The following PCDHGA9 variants were observed in gnomAD, a reference collection of about 807,000 sequenced individuals.
PCDHGA9 encodes protocadherin gamma subfamily A, 9.
PCDHGA9 carries 37 observed loss-of-function variants against 62.5 expected under a neutral mutation model. The observed-to-expected ratio is 0.59, with a 90% CI of 0.46 to 0.78. The LOEUF (loss-of-function observed/expected upper bound fraction) is 0.78, where lower values mean the gene tolerates loss of function less well. Among genes scored for constraint, PCDHGA9 ranks in the 30% least tolerant of loss-of-function variants. PCDHGA9 has a pLI of 0.00. For synonymous variants in PCDHGA9, 459 were observed against 484.6 expected, an observed-to-expected ratio of 0.95 and a Z score of 0.69; for missense variants, 1,138 against 1,166.2, an observed-to-expected ratio of 0.98 and a Z score of 0.35.
At chr5:141,444,757 C>T (rs919228537) in intron 1 of PCDHGA9, among the ~76,000 whole-genome samples, 4 of 152,050 alleles carry the variant, frequency 2.6e-5, no homozygotes, top group African/African-American at 9.7e-5. Flanking sequence ...ATATGTAGTT[C>T]TATTTCTATA....
intron 3 of PCDHGA9, 46 bp from the exon 4 acceptor site, chr5:141,510,901 A>G: frequency 1.9e-6 from 3 of 1,613,412 alleles, no homozygotes; most frequent in African/African-American, 2.7e-5. Flanking sequence ...GTGACTGTTG[A>G]GGACCCTAAG....
Position 141,476,641 on chromosome 5 carries a change from C to A in PCDHGA9, c.2425-18166C>A, listed in dbSNP as rs1183948220. The A allele has an allele frequency of 1.2e-6, 2 of 1,614,256 alleles. No homozygotes were observed. The highest frequency in any genetic ancestry group is 1.7e-5 in the Admixed American group (1 of 60,030). On this transcript the variant is annotated intron_variant, in intron 1 of 3. Transcript: ENST00000573521. This position sits in a 1 kb window ranked among gnomAD's most constrained non-coding sequence, Gnocchi z 7.6. ...ACTCTTTACAAACCTATGAGCTGAG[C>A]CGAAATGAATACTTTGCGCTTCGCG... is the stretch of plus-strand genomic sequence containing the variant.
chr5:141,506,177 G>A (rs1024892091), intron 3 of PCDHGA9, among the ~76,000 whole-genome samples: 16 of 152,142 alleles, frequency 1.1e-4, no homozygotes, highest in Admixed American at 4.6e-4. Flanking sequence ...TAAGCTGGGC[G>A]TGGTGGCTCA....
At chr5:141,458,567 TTTTGTTTG>T (rs144471304) in intron 1 of PCDHGA9, among the ~76,000 whole-genome samples, 1 of 151,488 alleles carries the variant, frequency 6.6e-6, no homozygotes, top group Non-Finnish European at 1.5e-5. Flanking sequence ...GGTTTTGGGT[TTTTGTTTG>T]TTTGTTTGTT....
chr5:141,415,177 G>C, intron 1 of PCDHGA9: 3 of 1,613,926 alleles, frequency 1.9e-6, no homozygotes, highest in Non-Finnish European at 2.5e-6. Context: ...CACCGTGGCC[G>C]TGGCCGACAG....
chr5:141,465,697 T>C (rs1386528821), intron 1 of PCDHGA9, among the ~76,000 whole-genome samples: 2 of 152,200 alleles, frequency 1.3e-5, no homozygotes, highest in African/African-American at 4.8e-5. Context: ...TGCTTTTGCA[T>C]TGGTCAAATG....
chr5:141,422,539 C>G, intron 1 of PCDHGA9: 1 of 1,613,994 alleles, frequency 6.2e-7, no homozygotes, highest in Non-Finnish European at 8.5e-7. Flanking sequence ...TGCAGAAACT[C>G]ATGTCTGGCT....
intron 1 of PCDHGA9, chr5:141,407,890 A>C (rs2094997846): frequency 2.5e-6 from 1 of 395,960 alleles, no homozygotes. Flanking sequence ...TCGGAGACCG[A>C]ATTCAAAATG....
intron 1 of PCDHGA9, chr5:141,415,513 G>A: frequency 6.2e-7 from 1 of 1,614,214 alleles, no homozygotes; most frequent in East Asian, 2.2e-5. Context: ...GCCCAATTAT[G>A]CGGACACGCT....
At chr5:141,472,729 T>G (rs2099294506) in intron 1 of PCDHGA9, among the ~76,000 whole-genome samples, 1 of 152,004 alleles carries the variant, frequency 6.6e-6, no homozygotes. Context: ...CTCACACCTG[T>G]AATCCCAGCA....
intron 1 of PCDHGA9, among the ~76,000 whole-genome samples, chr5:141,442,846 C>T (rs1489647686): frequency 2.6e-5 from 4 of 152,234 alleles, no homozygotes; most frequent in Non-Finnish European, 4.4e-5. Context: ...AAATCTTGGC[C>T]ATTGTAGTAT....
Position 141,486,320 on chromosome 5 carries a change from G to A in PCDHGA9, c.2425-8487G>A, listed in dbSNP as rs764851576. The stretch of plus-strand genomic sequence containing the variant: ...GCAGGATCCAGACTCAGGGTCAAAC[G>A]GAGATGTGAGCCTCCGCATTCCTGA... On this transcript the variant is annotated intron_variant, in intron 1 of 3. Coordinates refer to ENST00000573521, the MANE Select transcript of PCDHGA9 (RefSeq NM_018921.3). This position sits in a 1 kb window ranked among gnomAD's most constrained non-coding sequence, Gnocchi z 5.0. The A allele has an allele frequency of 6.2e-7, 1 of 1,614,010 alleles. No individual in the cohort carries two copies. Among genetic ancestry groups the A allele is most frequent in the South Asian group, 1.1e-5 (1 of 91,060 alleles).
intron 1 of PCDHGA9, among the ~76,000 whole-genome samples, chr5:141,453,288 ATTATTTAT>A (rs577328880): frequency 6.6e-6 from 1 of 151,342 alleles, no homozygotes; most frequent in Non-Finnish European, 1.5e-5. Context: ...TAATTTTTTA[ATTATTTAT>A]TTATTTATTT....
In PCDHGA9 at chr5:141,431,770, T is replaced by G. The variant is rs748816389; in HGVS notation, c.2424+26394T>G. The G allele has an allele frequency of 3.7e-6, 6 of 1,614,204 alleles. No homozygotes were observed. In the South Asian group the frequency reaches 6.6e-5, roughly 18 times the overall value. ...CGCGAGCCAAAGTCCTGATCACTGT[T>G]CTGGACGTGAACGACAATGCCCCAG... On this transcript the variant is annotated intron_variant, in intron 1 of 3. Coordinates refer to ENST00000573521, the MANE Select transcript of PCDHGA9 (RefSeq NM_018921.3). The surrounding 1 kb of genome is among the most constrained non-coding windows in gnomAD (Gnocchi z 4.8).
At chr5:141,423,745 C>A (rs561499055) in intron 1 of PCDHGA9, 2 of 605,688 alleles carry the variant, frequency 3.3e-6, no homozygotes, top group Non-Finnish European at 4.0e-6. Context: ...GTTATGAAAA[C>A]TGTTTGGGGG....
rs1561858566 is a variant in PCDHGA9 at position 141,432,177 on chromosome 5, C to G, written c.2424+26801C>G. ...AATCCCAGAGGAGTTTCCCTCGTCTCTGTGACCGCCCACGACCCCGACTGT... is the reference window on the plus strand; with the variant it reads ...AATCCCAGAGGAGTTTCCCTCGTCTGTGTGACCGCCCACGACCCCGACTGT... On this transcript the variant is annotated intron_variant, in intron 1 of 3. Transcript: ENST00000573521. This position sits in a 1 kb window ranked among gnomAD's most constrained non-coding sequence, Gnocchi z 6.0. The G allele has an allele frequency of 6.2e-7, 1 of 1,614,220 alleles. No homozygotes were observed. Among genetic ancestry groups the G allele is most frequent in the Admixed American group, 1.7e-5 (1 of 60,032 alleles).
intron 1 of PCDHGA9, chr5:141,440,359 G>T (rs932656332): frequency 5.3e-5 from 8 of 152,106 alleles, no homozygotes; most frequent in Non-Finnish European, 1.2e-4. Context: ...CTAGCTACTC[G>T]GGGGGCCGAG....
chr5:141,421,527 GTCC>G (rs2096581302), intron 1 of PCDHGA9: 1 of 1,614,050 alleles, frequency 6.2e-7, no homozygotes, highest in African/African-American at 1.3e-5. Flanking sequence ...GTGAGACGGT[GTCC>G]TCCTGTTTTT....
chr5:141,487,386 G>C lies in PCDHGA9; in HGVS notation c.2425-7421G>C. On this transcript the variant is annotated intron_variant, in intron 1 of 3. Coordinates refer to ENST00000573521, the MANE Select transcript of PCDHGA9 (RefSeq NM_018921.3). The surrounding 1 kb of genome is among the most constrained non-coding windows in gnomAD (Gnocchi z 5.0). Reference sequence around the variant, plus strand: ...ACCTGTGCCTGTCTCACCAGATCTCGAAGGAGGGAGGGGCTTCCCCCTTCC... The same window carrying C: ...ACCTGTGCCTGTCTCACCAGATCTCCAAGGAGGGAGGGGCTTCCCCCTTCC... The C allele has an allele frequency of 1.2e-6, 2 of 1,614,164 alleles. No homozygotes were observed. Among genetic ancestry groups the C allele is most frequent in the South Asian group, 1.1e-5 (1 of 91,084 alleles).
Sources: gnomAD v4.1 joint callset for allele counts (sites outside exome capture counted in the v4.1 genomes callset) on GRCh38, gnomAD v4.1.1 for gene constraint, Gnocchi (gnomAD v3.1) non-coding constraint, MANE v1.5 for transcripts, NCBI Gene and HGNC (gene_info 2026-07-23, HGNC 2026-07-21) for gene names.